Variants in CFAP44 observed in about 807,000 individuals in gnomAD.
The protein encoded by CFAP44 is cilia and flagella associated protein 44, also known as cilia- and flagella-associated protein 44.
CFAP44 carries 134 observed loss-of-function variants against 216.2 expected under a neutral mutation model. The observed-to-expected ratio is 0.62, with a 90% CI of 0.54 to 0.72. The LOEUF (loss-of-function observed/expected upper bound fraction) is 0.72. Among genes scored for constraint, CFAP44 ranks in the 30% least tolerant of loss-of-function variants. The pLI, the probability that CFAP44 is intolerant of heterozygous loss-of-function variation, is 0.00. For missense variants in CFAP44, 2,035 were observed against 2,182.1 expected (o/e 0.93, Z 1.34); for synonymous variants, 700 against 727.6 (o/e 0.96, Z 0.61).
In CFAP44 at chr3:113,363,146, G is replaced by A; in HGVS notation, c.2933C>T (p.Thr978Ile). 6.3e-7 allele frequency: 1 copy of A among 1,585,894 alleles called. No individual in the cohort carries two copies. The highest frequency in any genetic ancestry group is 8.5e-7 in the Non-Finnish European group (1 of 1,169,828). The part of the protein sequence containing the change: ...KLPKHMQFKR[T>I]DFDVDSQIRA... ...AAATCAAGTTTATATTAGGCTTACT[G>A]TTCGTTTAAACTGCATATGCTTTGG... is the stretch of plus-strand genomic sequence containing the variant. Residue 978 changes from threonine to isoleucine, a missense_variant and splice_region_variant, in exon 21 of 35, where the codon ACA becomes ATA. Thr to Ile is a moderately conservative substitution (Grantham distance 89). Around this residue, in one of 3 missense-constraint regions of CFAP44, gnomAD observed 1,883 missense variants for 2,023.7 expected, o/e 0.93. Transcript: ENST00000393845.
chr3:113,361,854 C>T (rs1465932886), intron 21 of CFAP44, among the ~76,000 whole-genome samples: 1 of 138,796 alleles, frequency 7.2e-6, no homozygotes, highest in Non-Finnish European at 1.6e-5. Context: ...ATTCTGACCA[C>T]AATTTTTTTT....
Position 113,333,565 on chromosome 3 carries a change from A to C in CFAP44, c.3456T>G (p.Gly1152=). ...EWEELYKSKP[G]DDYEDPKDLQ... is the part of the protein sequence containing the mutation. ...GATCTTTGGGATCTTCATAGTCATC[A>C]CCAGGTTTACTCTTGTATCTATTAG... The change falls in exon 25 of 35, where the codon GGT becomes GGG. Residue 1152 remains glycine, a synonymous_variant. Transcript: ENST00000393845. 1 of 1,535,290 alleles carries C rather than the reference A, an allele frequency of 6.5e-7. No individual in the cohort carries two copies. The highest frequency in any genetic ancestry group is 8.7e-7 in the Non-Finnish European group (1 of 1,146,434).
At position 113,294,513 on chromosome 3, in the gene CFAP44, C is replaced by A. The variant is rs1045462639; in HGVS notation, c.5373+174G>T. On this transcript the variant is annotated intron_variant, in intron 34 of 34. Coordinates refer to ENST00000393845, the MANE Select transcript of CFAP44 (RefSeq NM_001164496.2). Reference sequence around the variant, plus strand: ...CGTTCAATAAAGCTAGTCCCTCAGGCCCACTGTAATGTGGCTAACACCAAC... The same window carrying A: ...CGTTCAATAAAGCTAGTCCCTCAGGACCACTGTAATGTGGCTAACACCAAC... 3 of 745,250 alleles carry A rather than the reference C, an allele frequency of 4.0e-6. No individual in the cohort carries two copies. The Admixed American group carries it at 1.1e-4, about 26-fold the overall frequency. 46.2% of individuals were successfully genotyped at this position (745,250 alleles called of 1,614,324 possible).
At chr3:113,301,099 A>G (rs1299507801) in intron 32 of CFAP44, among the ~76,000 whole-genome samples, 3 of 152,168 alleles carry the variant, frequency 2.0e-5, no homozygotes, top group Admixed American at 2.0e-4. Flanking sequence ...AGCAATTTAA[A>G]TGTCCACTGT....
At chr3:113,411,299 A>G (rs1035552501) in intron 6 of CFAP44, among the ~76,000 whole-genome samples, 1 of 152,148 alleles carries the variant, frequency 6.6e-6, no homozygotes, top group Non-Finnish European at 1.5e-5. Flanking sequence ...TAAGTCTTTA[A>G]TCCATCTTGA....
At chr3:113,436,401 A>G (rs1489725690) in intron 1 of CFAP44, among the ~76,000 whole-genome samples, 1 of 152,220 alleles carries the variant, frequency 6.6e-6, no homozygotes, top group Non-Finnish European at 1.5e-5. Context: ...AAAACTATTG[A>G]GCATATTATT....
At chr3:113,311,544 A>C (rs1950038435) in intron 28 of CFAP44, among the ~76,000 whole-genome samples, 1 of 152,194 alleles carries the variant, frequency 6.6e-6, no homozygotes, top group African/African-American at 2.4e-5. Flanking sequence ...GCCATGTGGA[A>C]GTGTAAGTCC....
chr3:113,310,936 A>G (rs560952905), intron 28 of CFAP44, among the ~76,000 whole-genome samples: 1 of 152,320 alleles, frequency 6.6e-6, no homozygotes, highest in East Asian at 1.9e-4. Flanking sequence ...AGGTGCTGCC[A>G]TGCCTCCTTT....
intron 21 of CFAP44, chr3:113,362,821 G>T: frequency 9.6e-7 from 1 of 1,044,202 alleles, no homozygotes; most frequent in Non-Finnish European, 1.2e-6. Flanking sequence ...ATACTTCAGT[G>T]TATCTGTTAT....
At position 113,294,793 on chromosome 3, in the gene CFAP44, A is replaced by T; in HGVS notation, c.5267T>A (p.Leu1756Gln). ...GGTGTGTTCTTTTGTCTTCATCATC[A>T]GTTCCCATCGCATTTGAGCAATCTT... Reference protein sequence around the residue: ...EEKIAQMRWELMMKTKEHTRK... With the variant: ...EEKIAQMRWEQMMKTKEHTRK... The change falls in exon 34 of 35, where the codon CTG becomes CAG. Residue 1756 changes from leucine (L) to glutamine (Q), a missense_variant. By Grantham distance (113) the Leu-to-Gln change is moderately radical (BLOSUM62 -2). This residue lies in a region of CFAP44 where 1,883 missense variants were observed against 2,023.7 expected (regional missense o/e 0.93). Transcript: ENST00000393845. The T allele has an allele frequency of 6.5e-7, 1 of 1,535,288 alleles. No homozygotes were observed. Among genetic ancestry groups the T allele is most frequent in the Non-Finnish European group, 8.7e-7 (1 of 1,146,218 alleles).
chr3:113,299,096 C>T (rs1426865724), intron 32 of CFAP44, among the ~76,000 whole-genome samples: 1 of 152,038 alleles, frequency 6.6e-6, no homozygotes, highest in East Asian at 1.9e-4. Context: ...TCAAAAGCCA[C>T]CATAAAACAA....
chr3:113,308,665 ACTGCAAC>A lies in CFAP44; in HGVS notation c.4517-404_4517-398del, dbSNP rs1950009461. Among the ~76,000 whole-genome samples, 3 of 151,808 alleles carry A rather than the reference ACTGCAAC, an allele frequency of 2.0e-5. No individual in the cohort carries two copies. In the South Asian group the frequency reaches 6.2e-4, roughly 32 times the overall value. On this transcript the variant is annotated intron_variant, in intron 28 of 34. Coordinates refer to ENST00000393845, the MANE Select transcript of CFAP44 (RefSeq NM_001164496.2). ...TAGTGCAGTGATGCAATCTTGGCTGACTGCAACCTTCACTTCCTGGGCTCAAGCAATC... is the reference window on the plus strand; with the variant it reads ...TAGTGCAGTGATGCAATCTTGGCTGACTTCACTTCCTGGGCTCAAGCAATC...
At position 113,357,304 on chromosome 3, in the gene CFAP44, G is replaced by T. The variant is rs115421979; in HGVS notation, c.3065+1441C>A. ...GAGTGTGACCTTATTTGAAAATAGG[G>T]TCTTGATAGAGGTAATCAAGTTGAA... On this transcript the variant is annotated intron_variant, in intron 22 of 34. Transcript: ENST00000393845. Among the ~76,000 whole-genome samples the T allele has an allele frequency of 7.8e-3, 1,187 of 152,268 alleles. 15 individuals carry two copies. The highest frequency in any genetic ancestry group is 0.027 in the African/African-American group (1,116 of 41,534).
chr3:113,388,674 T>C (rs1393639717), intron 15 of CFAP44, among the ~76,000 whole-genome samples: 4 of 152,084 alleles, frequency 2.6e-5, no homozygotes, highest in African/African-American at 9.7e-5. Context: ...AAGACACATA[T>C]AGACTGAAAG....
intron 28 of CFAP44, among the ~76,000 whole-genome samples, chr3:113,321,522 GC>G (rs915170230): frequency 1.3e-5 from 2 of 152,116 alleles, no homozygotes; most frequent in African/African-American, 4.8e-5. Flanking sequence ...CTTAGCCAGA[GC>G]AATCTGGCAA....
chr3:113,311,016 A>G (rs1043584162), intron 28 of CFAP44, among the ~76,000 whole-genome samples: 1 of 152,178 alleles, frequency 6.6e-6, no homozygotes, highest in Non-Finnish European at 1.5e-5. Flanking sequence ...GTATTTCTTT[A>G]TAGCAATGCA....
intron 28 of CFAP44, among the ~76,000 whole-genome samples, chr3:113,317,368 C>A (rs1400519921): frequency 6.6e-6 from 1 of 152,244 alleles, no homozygotes; most frequent in East Asian, 1.9e-4. Context: ...TGGGCTCCAG[C>A]TGACCTCCAA....
At chr3:113,349,717 G>A (rs146448726) in intron 22 of CFAP44, among the ~76,000 whole-genome samples, 2,156 of 152,244 alleles carry the variant, frequency 0.014, 53 homozygotes, top group African/African-American at 0.049. Context: ...CGGGGCAAGT[G>A]CCAGCTCATG....
chr3:113,322,296 G>A (rs1950152489), intron 28 of CFAP44, among the ~76,000 whole-genome samples: 2 of 152,206 alleles, frequency 1.3e-5, no homozygotes, highest in South Asian at 2.1e-4. Flanking sequence ...GATAAATGGT[G>A]TTGGGATAAC....
Sources: gnomAD v4.1 joint callset for allele counts (sites outside exome capture counted in the v4.1 genomes callset) on GRCh38, gnomAD v4.1.1 for gene constraint, gnomAD v4.1.1 regional missense constraint, MANE v1.5 for transcripts, NCBI Gene and HGNC (gene_info 2026-07-23, HGNC 2026-07-21) for gene names.